CIRSR: variants seen among roughly 807,000 people sequenced by gnomAD.
The protein encoded by CIRSR is CBF1 (RBPJ) interacting corepressor 1.
At chr2:174,362,961 C>G in the CIRSR span, among the ~76,000 whole-genome samples, 1 of 152,112 alleles carries the variant, frequency 6.6e-6, no homozygotes, top group South Asian at 2.1e-4. Flanking sequence ...TTTCCAGAGT[C>G]TCCACCAGGT....
chr2:174,372,134 T>G, the CIRSR span, among the ~76,000 whole-genome samples: 1 of 152,252 alleles, frequency 6.6e-6, no homozygotes, highest in African/African-American at 2.4e-5. Context: ...TAAGTACTAC[T>G]GCTAAATTTT....
At chr2:174,369,199 A>G in the CIRSR span, among the ~76,000 whole-genome samples, 1 of 152,222 alleles carries the variant, frequency 6.6e-6, no homozygotes, top group Non-Finnish European at 1.5e-5. Context: ...CTACATCAGC[A>G]TTTGCTGCTT....
the CIRSR span, chr2:174,351,733 C>T: frequency 6.8e-6 from 11 of 1,605,918 alleles, no homozygotes; most frequent in Non-Finnish European, 9.4e-6. Context: ...GCCCTGTTCA[C>T]AAAAATCACA....
At chr2:174,356,493 CGGGAAGGAAGAA>C in the CIRSR span, among the ~76,000 whole-genome samples, 2 of 125,100 alleles carry the variant, frequency 1.6e-5, no homozygotes, top group African/African-American at 6.2e-5. Flanking sequence ...AAAAGACAGA[CGGGAAGGAAGAA>C]GGGAAGGAAG....
the CIRSR span, chr2:174,352,103 T>A: frequency 6.2e-6 from 1 of 162,260 alleles, no homozygotes; most frequent in Non-Finnish European, 1.3e-5. Flanking sequence ...AGATGTATTT[T>A]TAAAGGTACA....
the CIRSR span, chr2:174,350,588 C>A: frequency 1.1e-5 from 10 of 913,944 alleles, no homozygotes; most frequent in Non-Finnish European, 1.6e-5. Flanking sequence ...CTCTTAGGAT[C>A]AGAGTTGAAT....
chr2:174,385,869 T>G, the CIRSR span, among the ~76,000 whole-genome samples: 3 of 152,064 alleles, frequency 2.0e-5, no homozygotes, highest in Non-Finnish European at 4.4e-5. Context: ...GAGGGAATGA[T>G]AGAAATAGAA....
chr2:174,364,689 G>A, the CIRSR span, among the ~76,000 whole-genome samples: 1 of 152,224 alleles, frequency 6.6e-6, no homozygotes, highest in Non-Finnish European at 1.5e-5. Context: ...AAGCTGCCAA[G>A]GCTTGGGGCT....
the CIRSR span, among the ~76,000 whole-genome samples, chr2:174,382,216 G>T: frequency 6.6e-6 from 1 of 152,172 alleles, no homozygotes; most frequent in African/African-American, 2.4e-5. Flanking sequence ...AAAAGAAAAG[G>T]CAAAGGAATC....
the CIRSR span, chr2:174,349,262 A>G: frequency 1.2e-6 from 1 of 819,338 alleles, no homozygotes; most frequent in East Asian, 2.8e-5. Context: ...ATTTTCTTAG[A>G]AGTTATTAAA....
At chr2:174,377,846 A>AAAAAC in the CIRSR span, among the ~76,000 whole-genome samples, 1 of 151,288 alleles carries the variant, frequency 6.6e-6, no homozygotes, top group Non-Finnish European at 1.5e-5. Context: ...AAAAAAAAAA[A>AAAAAC]ACCAAACTTA....
At chr2:174,376,285 A>T in the CIRSR span, among the ~76,000 whole-genome samples, 17 of 152,230 alleles carry the variant, frequency 1.1e-4, no homozygotes, top group Non-Finnish European at 2.2e-4. Flanking sequence ...GAGAAAAAGA[A>T]TCACTAATAT....
At chr2:174,354,768 ATAT>A in the CIRSR span, among the ~76,000 whole-genome samples, 1 of 67,280 alleles carries the variant, frequency 1.5e-5, no homozygotes, top group African/African-American at 4.0e-5. Flanking sequence ...ATATATATAT[ATAT>A]TTTTTTTTTT....
At chr2:174,373,219 A>G in the CIRSR span, among the ~76,000 whole-genome samples, 1 of 152,204 alleles carries the variant, frequency 6.6e-6, no homozygotes, top group Non-Finnish European at 1.5e-5. Flanking sequence ...TATCCAATGT[A>G]TTTACAAGTA....
At chr2:174,349,199 G>T in the CIRSR span, 1 of 1,147,108 alleles carries the variant, frequency 8.7e-7, no homozygotes, top group Non-Finnish European at 1.2e-6. Flanking sequence ...AACAGTAACA[G>T]ACTGTGTGAA....
At chr2:174,354,601 ATAT>A in the CIRSR span, among the ~76,000 whole-genome samples, 5 of 20,798 alleles carry the variant, frequency 2.4e-4, no homozygotes, top group Non-Finnish European at 3.9e-4. Flanking sequence ...CATATAATAT[ATAT>A]TATATTATAT....
the CIRSR span, among the ~76,000 whole-genome samples, chr2:174,367,675 G>C: frequency 1.4e-5 from 2 of 146,874 alleles, no homozygotes; most frequent in Middle Eastern, 3.7e-3. Context: ...CTAGGAGTTT[G>C]AGACCACAGT....
chr2:174,379,000 T>C, the CIRSR span: 1 of 1,614,018 alleles, frequency 6.2e-7, no homozygotes, highest in Non-Finnish European at 8.5e-7. Context: ...TGTGTTGACA[T>C]GACCCCATTT....
At chr2:174,362,686 CAAAA>C in the CIRSR span, among the ~76,000 whole-genome samples, 1 of 20,654 alleles carries the variant, frequency 4.8e-5, no homozygotes, top group African/African-American at 1.1e-4. Flanking sequence ...GACTCTGCCT[CAAAA>C]AAAAAAAAAA....
Sources: gnomAD v4.1 joint callset for allele counts (sites outside exome capture counted in the v4.1 genomes callset) on GRCh38, gnomAD v4.1.1 for gene constraint, MANE v1.5 for transcripts, NCBI Gene and HGNC (gene_info 2026-07-23, HGNC 2026-07-21) for gene names.